ENTREP2: variants seen among roughly 807,000 people sequenced by gnomAD.
ENTREP2 encodes the protein protein ENTREP2.
the ENTREP2 span, among the ~76,000 whole-genome samples, chr15:29,655,767 T>G: frequency 6.6e-6 from 1 of 152,144 alleles, no homozygotes. Context: ...GGCCCACACC[T>G]GTAATCCCAG....
the ENTREP2 span, among the ~76,000 whole-genome samples, chr15:29,478,015 ATATATTTTTT>A: frequency 2.9e-4 from 18 of 62,368 alleles, no homozygotes; most frequent in African/African-American, 1.7e-3. Context: ...ATATATATAT[ATATATTTTTT>A]TTTTTTTTTT....
chr15:29,348,402 C>T, the ENTREP2 span, among the ~76,000 whole-genome samples: 1 of 152,078 alleles, frequency 6.6e-6, no homozygotes, highest in Non-Finnish European at 1.5e-5. Context: ...AGAAGAGGGC[C>T]GCAGGGCTGC....
chr15:29,322,787 C>T, the ENTREP2 span, among the ~76,000 whole-genome samples: 1 of 152,218 alleles, frequency 6.6e-6, no homozygotes, highest in Admixed American at 6.5e-5. Flanking sequence ...TCCCTTCCTG[C>T]CCACTTTTCC....
chr15:29,359,358 G>A, the ENTREP2 span, among the ~76,000 whole-genome samples: 1 of 152,156 alleles, frequency 6.6e-6, no homozygotes, highest in Non-Finnish European at 1.5e-5. Flanking sequence ...TTTAAGAAAG[G>A]CAGACTCCTT....
At chr15:29,255,224 G>C in the ENTREP2 span, among the ~76,000 whole-genome samples, 1 of 152,180 alleles carries the variant, frequency 6.6e-6, no homozygotes, top group East Asian at 1.9e-4. Context: ...TGCTACAGGT[G>C]CTGTTTGCTA....
chr15:29,341,025 A>G, the ENTREP2 span, among the ~76,000 whole-genome samples: 1 of 152,212 alleles, frequency 6.6e-6, no homozygotes, highest in South Asian at 2.1e-4. Flanking sequence ...AGCCAGCACC[A>G]TCTCACACTA....
At chr15:29,655,472 T>G in the ENTREP2 span, among the ~76,000 whole-genome samples, 1 of 152,102 alleles carries the variant, frequency 6.6e-6, no homozygotes, top group Admixed American at 6.6e-5. Context: ...CACAACATGT[T>G]TTGCTTTCAA....
the ENTREP2 span, among the ~76,000 whole-genome samples, chr15:29,215,051 C>T: frequency 6.6e-6 from 1 of 152,276 alleles, no homozygotes; most frequent in African/African-American, 2.4e-5. Context: ...AAGTCCCTCA[C>T]GATTACTGTG....
the ENTREP2 span, among the ~76,000 whole-genome samples, chr15:29,333,003 T>C: frequency 2.0e-5 from 3 of 148,820 alleles, no homozygotes; most frequent in Admixed American, 2.0e-4. Flanking sequence ...ACTTTAAGCA[T>C]GAGTCTTTCT....
the ENTREP2 span, among the ~76,000 whole-genome samples, chr15:29,447,524 G>C: frequency 4.0e-4 from 61 of 152,164 alleles, no homozygotes; most frequent in Non-Finnish European, 6.8e-4. Context: ...GGAGTGCAGT[G>C]GCACAATCGC....
chr15:29,454,774 G>C, the ENTREP2 span, among the ~76,000 whole-genome samples: 3 of 152,154 alleles, frequency 2.0e-5, no homozygotes, highest in African/African-American at 4.8e-5. Flanking sequence ...CCAACACTTA[G>C]TGAGATCCTC....
the ENTREP2 span, among the ~76,000 whole-genome samples, chr15:29,189,420 CTTT>C: frequency 6.1e-3 from 877 of 142,606 alleles, 11 homozygotes; most frequent in African/African-American, 0.021. Flanking sequence ...AATTGTCTTG[CTTT>C]TTTTTTTTTT....
the ENTREP2 span, among the ~76,000 whole-genome samples, chr15:29,461,071 G>T: frequency 6.6e-6 from 1 of 152,236 alleles, no homozygotes; most frequent in East Asian, 1.9e-4. Flanking sequence ...ATCAACACGA[G>T]GATGACTGTA....
At chr15:29,633,238 G>T in the ENTREP2 span, among the ~76,000 whole-genome samples, 1 of 152,058 alleles carries the variant, frequency 6.6e-6, no homozygotes, top group Admixed American at 6.6e-5. Flanking sequence ...CATGTGTCAG[G>T]TCCCACTGAA....
the ENTREP2 span, among the ~76,000 whole-genome samples, chr15:29,161,923 C>G: frequency 1.4e-4 from 21 of 152,150 alleles, no homozygotes; most frequent in African/African-American, 5.1e-4. Context: ...CCGAGAGGAC[C>G]GACAGACCTC....
At chr15:29,252,049 C>T in the ENTREP2 span, among the ~76,000 whole-genome samples, 3 of 152,218 alleles carry the variant, frequency 2.0e-5, no homozygotes, top group East Asian at 5.8e-4. Flanking sequence ...ATCAATGCAA[C>T]AAATGCTAAA....
the ENTREP2 span, among the ~76,000 whole-genome samples, chr15:29,356,948 A>G: frequency 3.3e-5 from 5 of 152,138 alleles, no homozygotes; most frequent in African/African-American, 1.2e-4. Flanking sequence ...GGGAAGAGAA[A>G]GCTGGGGGCC....
chr15:29,390,404 C>G, the ENTREP2 span, among the ~76,000 whole-genome samples: 2 of 151,864 alleles, frequency 1.3e-5, no homozygotes, highest in African/African-American at 4.8e-5. Flanking sequence ...GGAAGAGTAA[C>G]ATAGAATTAA....
the ENTREP2 span, among the ~76,000 whole-genome samples, chr15:29,620,616 C>T: frequency 3.3e-5 from 5 of 151,852 alleles, 1 homozygote; most frequent in African/African-American, 4.9e-5. Context: ...CCAGCCTGGG[C>T]GACAGAGTGA....
Sources: allele counts gnomAD v4.1 joint callset (sites outside exome capture counted in the v4.1 genomes callset), GRCh38; gene constraint gnomAD v4.1.1; transcripts MANE v1.5; gene names NCBI Gene and HGNC (gene_info 2026-07-23, HGNC 2026-07-21).